Variants in OR6N1 observed in about 807,000 individuals in gnomAD.
The protein encoded by OR6N1 is olfactory receptor 6N1.
For missense variants in OR6N1, 394 were observed against 371.7 expected, an observed-to-expected ratio of 1.06 and a Z score of -0.49; for synonymous variants, 170 against 150.7, an observed-to-expected ratio of 1.13 and a Z score of -0.94.
chr1:158,803,633 TTGTATTGTCTAAC>T, the OR6N1 span, among the ~76,000 whole-genome samples: 1 of 152,242 alleles, frequency 6.6e-6, no homozygotes, highest in Non-Finnish European at 1.5e-5. Context: ...TCTGCATCAT[TTGTATTGTCTAAC>T]TGTATACCTG....
At chr1:158,834,107 A>G in the OR6N1 span, among the ~76,000 whole-genome samples, 1 of 151,520 alleles carries the variant, frequency 6.6e-6, no homozygotes, top group Admixed American at 6.6e-5. Flanking sequence ...GTTATATCTC[A>G]TTGTGGTTTT....
chr1:158,822,481 G>A, the OR6N1 span, among the ~76,000 whole-genome samples: 1 of 152,142 alleles, frequency 6.6e-6, no homozygotes, highest in Non-Finnish European at 1.5e-5. Context: ...ATGAGGTTGT[G>A]TTCTTGATTT....
At chr1:158,789,311 G>A in the OR6N1 span, among the ~76,000 whole-genome samples, 1 of 152,166 alleles carries the variant, frequency 6.6e-6, no homozygotes, top group Non-Finnish European at 1.5e-5. Flanking sequence ...AAACATGGGA[G>A]TGCTGATATC....
At chr1:158,773,353 T>C (rs1006236354), upstream of OR6N1, among the ~76,000 whole-genome samples, 4 of 152,224 alleles carry the variant, frequency 2.6e-5, no homozygotes, top group Non-Finnish European at 4.4e-5. Flanking sequence ...GTTTTCTAAA[T>C]CCCTATAAGG....
At chr1:158,819,560 C>A in the OR6N1 span, among the ~76,000 whole-genome samples, 9 of 152,014 alleles carry the variant, frequency 5.9e-5, no homozygotes, top group Non-Finnish European at 1.0e-4. Context: ...TGCTTGACTC[C>A]TTCTTTAAAG....
At chr1:158,826,889 C>T in the OR6N1 span, among the ~76,000 whole-genome samples, 17 of 152,092 alleles carry the variant, frequency 1.1e-4, no homozygotes, top group Admixed American at 1.1e-3. Flanking sequence ...AGAGAAAAGA[C>T]AGAGACTAGC....
upstream of OR6N1, among the ~76,000 whole-genome samples, chr1:158,772,700 A>C (rs1194375054): frequency 6.6e-6 from 1 of 151,990 alleles, no homozygotes; most frequent in East Asian, 1.9e-4. Context: ...TCTCCTCTCT[A>C]CTCTAGTGTT....
At chr1:158,820,448 T>A in the OR6N1 span, among the ~76,000 whole-genome samples, 2 of 152,192 alleles carry the variant, frequency 1.3e-5, no homozygotes, top group Non-Finnish European at 2.9e-5. Context: ...AAACTGAAAA[T>A]AATACTTAAT....
At chr1:158,768,843 T>G (rs1657343279) in intron 1 of OR6N1, among the ~76,000 whole-genome samples, 1 of 152,232 alleles carries the variant, frequency 6.6e-6, no homozygotes, top group Non-Finnish European at 1.5e-5. Flanking sequence ...CTCTACTTAA[T>G]TTTTAACTTT....
At chr1:158,777,610 A>C in the OR6N1 span, 1 of 1,613,522 alleles carries the variant, frequency 6.2e-7, no homozygotes, top group Non-Finnish European at 8.5e-7. Context: ...AAATTCAGCC[A>C]GGCTTGAATG....
chr1:158,772,844 C>T (rs1255669493), upstream of OR6N1, among the ~76,000 whole-genome samples: 2 of 152,122 alleles, frequency 1.3e-5, no homozygotes, highest in African/African-American at 4.8e-5. Flanking sequence ...TTTGAATACT[C>T]TTGCCACAAA....
At chr1:158,778,366 C>T in the OR6N1 span, among the ~76,000 whole-genome samples, 2,982 of 152,026 alleles carry the variant, frequency 0.02, 70 homozygotes, top group East Asian at 0.15. Context: ...AGAGGAAGCC[C>T]GTAAGATGAA....
the OR6N1 span, among the ~76,000 whole-genome samples, chr1:158,815,120 G>A: frequency 1.3e-5 from 2 of 152,152 alleles, no homozygotes; most frequent in Non-Finnish European, 2.9e-5. Context: ...TAAGCCTGGA[G>A]CACTGAGATA....
chr1:158,777,148 G>A (rs1334350867), upstream of OR6N1: 4 of 1,613,974 alleles, frequency 2.5e-6, no homozygotes, highest in African/African-American at 1.3e-5. Flanking sequence ...GAGCTGGGAG[G>A]CAAGGATGAC....
chr1:158,823,212 T>C, the OR6N1 span, among the ~76,000 whole-genome samples: 2 of 152,276 alleles, frequency 1.3e-5, no homozygotes, highest in East Asian at 3.9e-4. Context: ...TCAGGATGAT[T>C]CTGGCCTCAC....
chr1:158,803,219 A>G, the OR6N1 span, among the ~76,000 whole-genome samples: 1 of 152,346 alleles, frequency 6.6e-6, no homozygotes, highest in East Asian at 1.9e-4. Flanking sequence ...TCTGAGCCAA[A>G]GGAAAGGAAG....
the OR6N1 span, chr1:158,781,156 C>T: frequency 1.3e-5 from 2 of 152,222 alleles, no homozygotes; most frequent in Non-Finnish European, 2.9e-5. Context: ...TAATGTGCCC[C>T]TTAGTTCACC....
the OR6N1 span, among the ~76,000 whole-genome samples, chr1:158,828,701 C>G: frequency 6.6e-6 from 1 of 152,202 alleles, no homozygotes; most frequent in African/African-American, 2.4e-5. Flanking sequence ...GCCCTCTTCT[C>G]ATAACTCCAT....
the OR6N1 span, among the ~76,000 whole-genome samples, chr1:158,834,122 G>A: frequency 6.6e-6 from 1 of 151,606 alleles, no homozygotes; most frequent in African/African-American, 2.4e-5. Flanking sequence ...GGTTTTTATG[G>A]GTTTGATTTG....
Sources: allele counts gnomAD v4.1 joint callset (sites outside exome capture counted in the v4.1 genomes callset), GRCh38; gene constraint gnomAD v4.1.1; transcripts MANE v1.5; gene names NCBI Gene and HGNC (gene_info 2026-07-23, HGNC 2026-07-21).